Variants in CTNNA2 observed in about 807,000 individuals in gnomAD.
CTNNA2 encodes the protein catenin alpha-2.
Under a neutral mutation model 101.0 loss-of-function variants are expected in CTNNA2, and 42 were observed. The observed-to-expected ratio is 0.42, with a 90% CI of 0.32 to 0.54. The LOEUF (loss-of-function observed/expected upper bound fraction) is 0.54, where lower values mean the gene tolerates loss of function less well. Among genes scored for constraint, CTNNA2 ranks in the 20% least tolerant of loss-of-function variants. The pLI, the probability that CTNNA2 is intolerant of heterozygous loss-of-function variation, is 0.14. For synonymous variants in CTNNA2, 450 were observed against 456.4 expected (o/e 0.99, Z 0.18); for missense variants, 871 against 1,223.1 (o/e 0.71, Z 4.29).
chr2:80,327,255 T>G (rs1049964757), intron 7 of CTNNA2, among the ~76,000 whole-genome samples: 1 of 152,222 alleles, frequency 6.6e-6, no homozygotes, highest in Non-Finnish European at 1.5e-5. Context: ...TTGTAAGGCT[T>G]CCTACAGATT....
chr2:79,842,030 G>A (rs1679858454), intron 3 of CTNNA2, among the ~76,000 whole-genome samples: 1 of 151,970 alleles, frequency 6.6e-6, no homozygotes, highest in South Asian at 2.1e-4. Context: ...TCATAATTTT[G>A]TTTCAATAGT....
At chr2:80,320,999 C>T (rs778109503) in intron 7 of CTNNA2, among the ~76,000 whole-genome samples, 3 of 152,124 alleles carry the variant, frequency 2.0e-5, no homozygotes, top group Non-Finnish European at 2.9e-5. Context: ...AATCAGTCCA[C>T]CATAGTGTGC....
chr2:79,294,915 A>G (rs1182571002), intron 2 of CTNNA2, among the ~76,000 whole-genome samples: 1 of 152,034 alleles, frequency 6.6e-6, no homozygotes. Flanking sequence ...TGATGGATAT[A>G]TTATCTACTG....
intron 1 of CTNNA2, among the ~76,000 whole-genome samples, chr2:79,582,313 A>G (rs999283333): frequency 6.6e-6 from 1 of 152,246 alleles, no homozygotes; most frequent in African/African-American, 2.4e-5. Context: ...AATGTGTTCA[A>G]ACGTACACAA....
chr2:79,814,030 G>C (rs1677258383), intron 3 of CTNNA2, among the ~76,000 whole-genome samples: 1 of 151,984 alleles, frequency 6.6e-6, no homozygotes, highest in African/African-American at 2.4e-5. Context: ...CTCTGCCTTT[G>C]TTGTCACATG....
chr2:80,127,685 T>G (rs1702212487), intron 7 of CTNNA2, among the ~76,000 whole-genome samples: 1 of 152,160 alleles, frequency 6.6e-6, no homozygotes, highest in Non-Finnish European at 1.5e-5. Flanking sequence ...GTTAGGATGG[T>G]TGTCTTGCTG....
intron 2 of CTNNA2, among the ~76,000 whole-genome samples, chr2:79,204,968 G>A (rs1264972671): frequency 1.3e-5 from 2 of 152,230 alleles, no homozygotes; most frequent in Non-Finnish European, 2.9e-5. Flanking sequence ...CATCAATTTT[G>A]GAGTGGCAAT....
At chr2:79,380,555 G>A (rs1039907057) in intron 4 of CTNNA2, among the ~76,000 whole-genome samples, 1 of 152,076 alleles carries the variant, frequency 6.6e-6, no homozygotes, top group Non-Finnish European at 1.5e-5. Flanking sequence ...CAGTCCAAAT[G>A]CATATTTCAA....
chr2:79,465,895 G>T (rs1053827840), intron 4 of CTNNA2, among the ~76,000 whole-genome samples: 1 of 152,230 alleles, frequency 6.6e-6, no homozygotes, highest in East Asian at 1.9e-4. Context: ...AGACGATGGG[G>T]GTTTTCTAAA....
chr2:80,633,327 C>CT (rs35858687), intron 18 of CTNNA2, among the ~76,000 whole-genome samples: 5 of 151,992 alleles, frequency 3.3e-5, no homozygotes, highest in African/African-American at 1.2e-4. Context: ...ATGTAGACAG[C>CT]TTTTTTGGCT....
chr2:79,912,573 C>T lies in CTNNA2; in HGVS notation c.1056+2776C>T, dbSNP rs187681488. Among the ~76,000 whole-genome samples, 6 of 152,204 alleles carry T rather than the reference C, an allele frequency of 3.9e-5. No homozygotes were observed. The East Asian group carries it at 5.8e-4, about 15-fold the overall frequency. Reference sequence around the variant, plus strand: ...GGGTGAAAATCATCACAGATCATGGCGGTGGTAGAAAGGATGGTTGGAATT... The same window carrying T: ...GGGTGAAAATCATCACAGATCATGGTGGTGGTAGAAAGGATGGTTGGAATT... On this transcript the variant is annotated intron_variant, in intron 7 of 18. Transcript: ENST00000402739.
chr2:79,396,174 C>CT lies in CTNNA2; in HGVS notation c.-135+22170dup, dbSNP rs201418747. On this transcript the variant is annotated intron_variant, in intron 4 of 21. Coordinates refer to the CTNNA2 transcript ENST00000466387. ...AATATATAATTGAATTTTTCTTTTT[C>CT]TTTTTTTTTGAGACAGAGTTTCTTG... Among the ~76,000 whole-genome samples the CT allele has an allele frequency of 1.7e-3, 255 of 150,806 alleles. 2 individuals are homozygous for CT. Among genetic ancestry groups the CT allele is most frequent in the Admixed American group, 0.013 (190 of 15,102 alleles).
intron 3 of CTNNA2, among the ~76,000 whole-genome samples, chr2:79,347,879 G>A (rs923306537): frequency 1.3e-3 from 188 of 149,640 alleles, no homozygotes; most frequent in African/African-American, 4.4e-3. Flanking sequence ...ACAAGGAAGA[G>A]CATGTAATCT....
At chr2:79,799,098 G>A (rs1675951316) in intron 3 of CTNNA2, among the ~76,000 whole-genome samples, 1 of 151,982 alleles carries the variant, frequency 6.6e-6, no homozygotes, top group African/African-American at 2.4e-5. Flanking sequence ...TTCCTAGGCA[G>A]CTCCTGCCTA....
chr2:79,720,336 G>A (rs146465668), intron 2 of CTNNA2, among the ~76,000 whole-genome samples: 1,855 of 151,938 alleles, frequency 0.012, 39 homozygotes, highest in African/African-American at 0.043. Context: ...TAATGCCTCT[G>A]GCTTTGTTCT....
At chr2:80,578,497 C>T (rs1447166184) in intron 13 of CTNNA2, among the ~76,000 whole-genome samples, 1 of 152,114 alleles carries the variant, frequency 6.6e-6, no homozygotes, top group Admixed American at 6.6e-5. Flanking sequence ...AAATAGCACT[C>T]ATAGTTTTAA....
At chr2:79,417,932 T>C (rs555808840) in intron 4 of CTNNA2, among the ~76,000 whole-genome samples, 4 of 152,144 alleles carry the variant, frequency 2.6e-5, no homozygotes, top group African/African-American at 7.2e-5. Context: ...TTGATGGAGG[T>C]TGGCCATACC....
chr2:79,907,742 A>G (rs934352908), intron 6 of CTNNA2, among the ~76,000 whole-genome samples: 4 of 152,270 alleles, frequency 2.6e-5, no homozygotes, highest in African/African-American at 9.6e-5. Context: ...CAAAGCTGGC[A>G]CAGAATAGCT....
chr2:79,647,312 G>C (rs916070661), intron 1 of CTNNA2, among the ~76,000 whole-genome samples: 1 of 152,056 alleles, frequency 6.6e-6, no homozygotes, highest in African/African-American at 2.4e-5. Context: ...TTTAAATTTG[G>C]GAAAATAATG....
Sources: allele counts gnomAD v4.1 joint callset (sites outside exome capture counted in the v4.1 genomes callset), GRCh38; gene constraint gnomAD v4.1.1; transcripts MANE v1.5; gene names NCBI Gene and HGNC (gene_info 2026-07-23, HGNC 2026-07-21).